CTTNBP2: variants seen among roughly 807,000 people sequenced by gnomAD.
The protein encoded by CTTNBP2 is cortactin binding protein 2.
Under a neutral mutation model 156.9 loss-of-function variants are expected in CTTNBP2, and 108 were observed. That is an observed-to-expected ratio of 0.69 (90% confidence interval 0.59 to 0.81). The LOEUF is 0.81. Among genes scored for constraint, CTTNBP2 ranks in the 30% least tolerant of loss-of-function variants. The pLI, the probability that CTTNBP2 is intolerant of heterozygous loss-of-function variation, is 0.00. For missense variants in CTTNBP2, 1,924 were observed against 2,035.4 expected (o/e 0.95, Z 1.05); for synonymous variants, 767 against 751.8 (o/e 1.02, Z -0.33).
In CTTNBP2 at chr7:117,873,439, T is replaced by C; in HGVS notation, c.-24A>G. 1 of 1,451,800 alleles carries C rather than the reference T, an allele frequency of 6.9e-7. No individual in the cohort carries two copies. The allele number at this position is 1,451,800 out of a possible 1,614,324, so 89.9% of individuals were successfully genotyped here. On this transcript the variant is annotated 5_prime_UTR_variant, in exon 1 of 23. Coordinates refer to ENST00000160373, the MANE Select transcript of CTTNBP2 (RefSeq NM_033427.3). ...ATCTTCCTGCTCTAGCGGATCCGAA[T>C]GCGAGCTCGGAGCCGCGGCTCCGGA...
chr7:117,753,405 T>C (rs1037367764), intron 12 of CTTNBP2, among the ~76,000 whole-genome samples: 6 of 152,206 alleles, frequency 3.9e-5, no homozygotes, highest in African/African-American at 9.6e-5. Flanking sequence ...CATTACTGCG[T>C]ATACACCCAA....
In CTTNBP2 at chr7:117,803,569, T is replaced by A. The variant is rs139872749; in HGVS notation, c.414+7196A>T. 3.6e-4 allele frequency among the ~76,000 whole-genome samples: 55 copies of A among 152,158 alleles called. No homozygotes were observed. The East Asian group carries it at 0.011, about 29-fold the overall frequency. ...TTTTTTAAAAAGCTTCAAAATAAAGTTTAAAAATGAAAAGAAAAGAAAGAC... is the reference window on the plus strand; with the variant it reads ...TTTTTTAAAAAGCTTCAAAATAAAGATTAAAAATGAAAAGAAAAGAAAGAC... On this transcript the variant is annotated intron_variant, in intron 3 of 22. Coordinates refer to ENST00000160373, the MANE Select transcript of CTTNBP2 (RefSeq NM_033427.3).
intron 8 of CTTNBP2, among the ~76,000 whole-genome samples, chr7:117,776,261 T>C (rs940555466): frequency 1.3e-5 from 2 of 152,204 alleles, no homozygotes; most frequent in Non-Finnish European, 2.9e-5. Context: ...TTATTTCCAC[T>C]GCTGTCATCA....
At chr7:117,871,793 C>T in intron 1 of CTTNBP2, 1 of 212,438 alleles carries the variant, frequency 4.7e-6, no homozygotes, top group Non-Finnish European at 7.5e-6. Flanking sequence ...AAGAAACACA[C>T]CACACACACA....
At chr7:117,766,504 T>C (rs1479616227) in intron 9 of CTTNBP2, among the ~76,000 whole-genome samples, 2 of 152,178 alleles carry the variant, frequency 1.3e-5, no homozygotes, top group Non-Finnish European at 2.9e-5. Flanking sequence ...GCTGACTGGA[T>C]GGATTGGGTG....
At chr7:117,731,060 C>T (rs1795373462) in intron 16 of CTTNBP2, among the ~76,000 whole-genome samples, 1 of 152,004 alleles carries the variant, frequency 6.6e-6, no homozygotes, top group Non-Finnish European at 1.5e-5. Context: ...GTACATGGTA[C>T]AAGGCTATTA....
intron 14 of CTTNBP2, among the ~76,000 whole-genome samples, chr7:117,741,952 A>G (rs1796045807): frequency 6.6e-6 from 1 of 152,242 alleles, no homozygotes; most frequent in Non-Finnish European, 1.5e-5. Flanking sequence ...TAAGAGAAGA[A>G]TAAGTTAAAG....
intron 2 of CTTNBP2, among the ~76,000 whole-genome samples, chr7:117,811,913 T>C (rs1584472081): frequency 3.8e-5 from 2 of 53,122 alleles, no homozygotes. Context: ...TAAATTAAAA[T>C]TTTAATGTAA....
chr7:117,720,433 C>T (rs139705851), intron 20 of CTTNBP2, among the ~76,000 whole-genome samples: 86 of 152,188 alleles, frequency 5.7e-4, no homozygotes, highest in Non-Finnish European at 2.2e-4. Flanking sequence ...TTAAAAATCA[C>T]GCCTGTAATC....
At position 117,855,731 on chromosome 7, in the gene CTTNBP2, A is replaced by C. The variant is rs553399129; in HGVS notation, c.189+5478T>G. Among the ~76,000 whole-genome samples the C allele has an allele frequency of 1.4e-4, 21 of 152,356 alleles. No homozygotes were observed. In the East Asian group the frequency reaches 2.1e-3, roughly 15 times the overall value. On this transcript the variant is annotated intron_variant, in intron 2 of 22. Coordinates refer to ENST00000160373, the MANE Select transcript of CTTNBP2 (RefSeq NM_033427.3). ...ATTTTTAATTTTGAACCCAATGAACAGTCAAGTTTTTGAAAAGGAAGATCA... is the reference window on the plus strand; with the variant it reads ...ATTTTTAATTTTGAACCCAATGAACCGTCAAGTTTTTGAAAAGGAAGATCA...
chr7:117,725,098 G>C lies in CTTNBP2; in HGVS notation c.4215C>G (p.Ile1405Met). ...CATGCAGTACAGCTTTATTTAGCAA[G>C]ATGCTGAGAGCAGCTTTGACCACAG... ...QQAVVKAALS[I>M]LLNKAVLHGC... is the part of the protein sequence containing the mutation. Residue 1405 changes from isoleucine (I) to methionine (M), a missense_variant, in exon 18 of 23, where the codon ATC becomes ATG. Coordinates refer to ENST00000160373, the MANE Select transcript of CTTNBP2 (RefSeq NM_033427.3). 6.2e-7 allele frequency: 1 copy of C among 1,613,000 alleles called. No homozygotes were observed. The highest frequency in any genetic ancestry group is 2.2e-5 in the East Asian group (1 of 44,876).
At position 117,718,138 on chromosome 7, in the gene CTTNBP2, G is replaced by T. The variant is rs746332461; in HGVS notation, c.4645-19C>A. On this transcript the variant is annotated intron_variant, in intron 21 of 22. Transcript: ENST00000160373. ...CAGCAATCTAGAAAATACAGAATTT[G>T]CCCGGTCATGTCTCCACAGTCACAC... 6 of 1,505,234 alleles carry T rather than the reference G, an allele frequency of 4.0e-6. No individual in the cohort carries two copies. Among genetic ancestry groups the T allele is most frequent in the Non-Finnish European group, 3.7e-6 (4 of 1,082,670 alleles). The allele number at this position is 1,505,234 out of a possible 1,614,324, so 93.2% of individuals were successfully genotyped here.
chr7:117,748,679 G>T (rs1174411463), intron 12 of CTTNBP2, among the ~76,000 whole-genome samples: 1 of 152,124 alleles, frequency 6.6e-6, no homozygotes, highest in African/African-American at 2.4e-5. Context: ...TGTAATCTAA[G>T]CCCAGACTCT....
At chr7:117,845,975 C>A (rs1309868214) in intron 2 of CTTNBP2, among the ~76,000 whole-genome samples, 1 of 152,018 alleles carries the variant, frequency 6.6e-6, no homozygotes, top group Non-Finnish European at 1.5e-5. Context: ...TTCAGCCTCC[C>A]GAGTAGGTGG....
chr7:117,795,638 T>C (rs909511726), intron 3 of CTTNBP2, among the ~76,000 whole-genome samples: 3 of 152,212 alleles, frequency 2.0e-5, no homozygotes, highest in African/African-American at 7.2e-5. Context: ...TTCTGCACTA[T>C]GGATCATCAT....
intron 7 of CTTNBP2, among the ~76,000 whole-genome samples, chr7:117,777,978 G>C (rs1242318301): frequency 6.6e-6 from 1 of 152,122 alleles, no homozygotes; most frequent in Non-Finnish European, 1.5e-5. Flanking sequence ...ACTCATGTTT[G>C]CTATTTTGTA....
chr7:117,827,018 C>A (rs940696083), intron 2 of CTTNBP2, among the ~76,000 whole-genome samples: 1 of 151,940 alleles, frequency 6.6e-6, no homozygotes, highest in African/African-American at 2.4e-5. Context: ...GCCACTGCAC[C>A]CAGCTAATTT....
rs971931747 is a variant in CTTNBP2, at chr7:117,841,133, A to G, written c.189+20076T>C. ...TATTTTCCAAACCTAAATAAGTGAG[A>G]AGAATAGCATTGTTTTGTAGTTCTG... On this transcript the variant is annotated intron_variant, in intron 2 of 22. Coordinates refer to ENST00000160373, the MANE Select transcript of CTTNBP2 (RefSeq NM_033427.3). Among the ~76,000 whole-genome samples the G allele has an allele frequency of 3.9e-5, 6 of 152,354 alleles. No individual in the cohort carries two copies. In the East Asian group the frequency reaches 1.2e-3, roughly 29 times the overall value.
At chr7:117,760,342 C>T in intron 10 of CTTNBP2, 93 bp downstream of exon 10, 1 of 1,279,396 alleles carries the variant, frequency 7.8e-7, no homozygotes, top group Non-Finnish European at 1.1e-6. Context: ...TTTGAATGTG[C>T]TTAATCAATG....
Sources: gnomAD v4.1 joint callset for allele counts (sites outside exome capture counted in the v4.1 genomes callset) on GRCh38, gnomAD v4.1.1 for gene constraint, MANE v1.5 for transcripts, NCBI Gene and HGNC (gene_info 2026-07-23, HGNC 2026-07-21) for gene names.